The following LRP2BP variants were observed in gnomAD, a reference collection of about 807,000 sequenced individuals.
LRP2BP encodes LRP2-binding protein.
Under a neutral mutation model 45.2 loss-of-function variants are expected in LRP2BP, and 38 were observed. The observed-to-expected ratio is 0.84, with a 90% CI of 0.65 to 1.10. LRP2BP has a LOEUF of 1.10. LRP2BP is among the 50% of genes least tolerant of loss of function. LRP2BP has a pLI of 0.00. For missense variants in LRP2BP, 385 were observed against 418.9 expected, an observed-to-expected ratio of 0.92 and a Z score of 0.71; for synonymous variants, 153 against 153.9, an observed-to-expected ratio of 0.99 and a Z score of 0.04.
chr4:185,378,458 C>T (rs2095445578), intron 1 of LRP2BP: 29 of 1,238,128 alleles, frequency 2.3e-5, no homozygotes, highest in Non-Finnish European at 2.8e-5. Context: ...CCTGTTTGCA[C>T]GTCCTGTCTG....
At position 185,366,469 on chromosome 4, in the gene LRP2BP, A is replaced by AG. The variant is rs1373754939; in HGVS notation, c.*710dup. ...TTAAGATCTTTGAGGGAAGATTTGG[A>AG]GGGGCAAGATTCTAAAGCAATGTCT... On this transcript the variant is annotated 3_prime_UTR_variant, in exon 9 of 9. Transcript: ENST00000505916. 4 of 152,186 alleles carry AG rather than the reference A, an allele frequency of 2.6e-5. No homozygotes were observed. Among genetic ancestry groups the AG allele is most frequent in the Non-Finnish European group, 5.9e-5 (4 of 68,024 alleles). 9.4% of individuals were successfully genotyped at this position (152,186 alleles called of 1,614,324 possible).
At chr4:185,389,036 C>T (rs572935855) in intron 1 of LRP2BP, among the ~76,000 whole-genome samples, 9 of 151,792 alleles carry the variant, frequency 5.9e-5, no homozygotes, top group East Asian at 1.9e-4. Flanking sequence ...CCTGCCACCA[C>T]ACCCAGCTAA....
rs199651134 is a variant in LRP2BP at position 185,374,363 on chromosome 4, A to T, written c.429T>A (p.Tyr143Ter). Residue 143 changes from tyrosine (Y) to a stop codon, truncating the protein, a stop_gained, in exon 5 of 9, where the codon TAT becomes TAA. Transcript: ENST00000505916. LOFTEE classifies it high-confidence loss of function. ...ATCGTTTAACACCTTTTCCTTCATA[A>T]TAAGCTCTTCCGAGGTTGTAAGCAG... ...FAAAYNLGRA[Y>*]YEGKGVKRSN... is the part of the protein sequence containing the mutation. 82 of 1,613,982 alleles carry T rather than the reference A, an allele frequency of 5.1e-5. No homozygotes were observed. In the Middle Eastern group the frequency reaches 1.5e-3, roughly 29 times the overall value.
In LRP2BP at chr4:185,374,149, T is replaced by C. The variant is rs2095425366; in HGVS notation, c.565A>G (p.Lys189Glu). 6.2e-7 allele frequency: 1 copy of C among 1,613,932 alleles called. No homozygotes were observed. Residue 189 changes from lysine (K) to glutamate (E), a missense_variant, in exon 6 of 9, where the codon AAG becomes GAG. Lys to Glu is a moderately conservative substitution (Grantham distance 56). Transcript: ENST00000505916. ...GGGAACGTTACCTTTTCTAACTCCT[T>C]GGGCTCCTTGGTTGAGTAATACAGC... Reference protein sequence around the residue: ...LGLYYSTKEPKELEKAFYWHS... With the variant: ...LGLYYSTKEPEELEKAFYWHS...
chr4:185,389,269 C>T (rs180874338), intron 1 of LRP2BP, among the ~76,000 whole-genome samples: 67 of 151,712 alleles, frequency 4.4e-4, no homozygotes, highest in African/African-American at 1.3e-3. Flanking sequence ...AGTGCAATGG[C>T]GCAATCTTGG....
At chr4:185,384,028 C>T (rs2095463150) in intron 1 of LRP2BP, among the ~76,000 whole-genome samples, 1 of 152,170 alleles carries the variant, frequency 6.6e-6, no homozygotes, top group Non-Finnish European at 1.5e-5. Flanking sequence ...AGTCCTAGTC[C>T]TGACACAGTA....
At chr4:185,389,658 CA>C (rs1472641812) in intron 1 of LRP2BP, among the ~76,000 whole-genome samples, 1 of 152,056 alleles carries the variant, frequency 6.6e-6, no homozygotes, top group East Asian at 1.9e-4. Context: ...TTGAGTGTCT[CA>C]AATCATCCAG....
chr4:185,365,238 A>T lies in LRP2BP; in HGVS notation c.*1942T>A, dbSNP rs1446806049. On this transcript the variant is annotated 3_prime_UTR_variant, in exon 9 of 9. Coordinates refer to ENST00000505916, the MANE Select transcript of LRP2BP (RefSeq NM_001377440.1). ...TTTATAGAAGACATATAAGCATAGC[A>T]TGTTACCATGTATGGCACACGTCAA... The T allele has an allele frequency of 6.6e-6, 1 of 152,212 alleles. No individual in the cohort carries two copies. The highest frequency in any genetic ancestry group is 1.5e-5 in the Non-Finnish European group (1 of 68,038). 9.4% of individuals were successfully genotyped at this position (152,212 alleles called of 1,614,324 possible). A position where few individuals can be genotyped will look rare whatever the true frequency, so the allele number is the denominator to read the frequency against.
intron 4 of LRP2BP, 125 bp downstream of exon 4, chr4:185,375,488 A>ATATATATATATATG (rs2095431711): frequency 2.3e-4 from 2 of 8,606 alleles, no homozygotes; most frequent in Non-Finnish European, 2.2e-4. Flanking sequence ...AAAAAAAAAA[A>ATATATATATATATG]TATATATATA....
In LRP2BP at chr4:185,369,166, T is replaced by G. The variant is rs1279184861; in HGVS notation, c.978+1474A>C. Among the ~76,000 whole-genome samples the G allele has an allele frequency of 3.3e-5, 5 of 151,632 alleles. No individual in the cohort carries two copies. The South Asian group carries it at 8.3e-4, about 25-fold the overall frequency. On this transcript the variant is annotated intron_variant, in intron 8 of 8. Transcript: ENST00000505916. The stretch of plus-strand genomic sequence containing the variant: ...ATATTTGACTAGAGTTTTCTAAGGA[T>G]ATTAAGGATAGGATAGAACCTGAAA...
intron 1 of LRP2BP, among the ~76,000 whole-genome samples, chr4:185,387,043 C>T (rs1054013220): frequency 5.3e-5 from 8 of 152,052 alleles, no homozygotes; most frequent in African/African-American, 1.2e-4. Flanking sequence ...GTTAGGAGTT[C>T]GAGACCAGCC....
At position 185,385,915 on chromosome 4, in the gene LRP2BP, G is replaced by A. The variant is rs113067038; in HGVS notation, c.-21-7708C>T. Among the ~76,000 whole-genome samples, 7 of 119,730 alleles carry A rather than the reference G, an allele frequency of 5.8e-5. No homozygotes were observed. In the East Asian group the frequency reaches 8.4e-4, roughly 14 times the overall value. 78.5% of individuals were successfully genotyped at this position (119,730 alleles called of 152,430 possible). On this transcript the variant is annotated intron_variant, in intron 1 of 8. Transcript: ENST00000505916. ...GACTCTGTCTCGGGGAGGGGGGGGG[G>A]GAGATAAAGAAATAACATCATCTTA...
rs776193908 is a variant in LRP2BP at position 185,370,706 on chromosome 4, T to A, written c.912A>T (p.Ala304=). ...TGCCCAAGCCAAGCTGAAGACACCT[T>A]GCGTGGTAGAAGGATGCCATTGCCA... ...RGMAMASFYH[A]RCLQLGLGIT... Residue 304 remains alanine, a synonymous_variant, in exon 8 of 9, where the codon GCA becomes GCT. Coordinates refer to ENST00000505916, the MANE Select transcript of LRP2BP (RefSeq NM_001377440.1). 1 of 1,614,074 alleles carries A rather than the reference T, an allele frequency of 6.2e-7. No homozygotes were observed. The highest frequency in any genetic ancestry group is 1.1e-5 in the South Asian group (1 of 91,070).
At chr4:185,378,556 A>T in intron 1 of LRP2BP, 1 of 1,028,696 alleles carries the variant, frequency 9.7e-7, no homozygotes, top group Middle Eastern at 4.8e-4. Flanking sequence ...CCACAGTCAG[A>T]GCTCTTCTGC....
chr4:185,390,284 G>T (rs2095484644), intron 1 of LRP2BP, among the ~76,000 whole-genome samples: 1 of 152,178 alleles, frequency 6.6e-6, no homozygotes, highest in Admixed American at 6.5e-5. Context: ...GCCAAGGCAG[G>T]TGGATCATTT....
In LRP2BP at chr4:185,395,855, G is replaced by C; in HGVS notation, c.-1098C>G. ...GAAGGGAATCACTAAAAATGTAGGGGAAAAGAAACACTCGGCTGGAGCTTT... is the reference window on the plus strand; with the variant it reads ...GAAGGGAATCACTAAAAATGTAGGGCAAAAGAAACACTCGGCTGGAGCTTT... On this transcript the variant is annotated 5_prime_UTR_variant, in exon 1 of 9. Transcript: ENST00000505916. The C allele has an allele frequency of 1.0e-6, 1 of 985,458 alleles. No homozygotes were observed. The highest frequency in any genetic ancestry group is 1.7e-5 in the African/African-American group (1 of 57,348). The allele number at this position is 985,458 out of a possible 1,614,324, so 61.0% of individuals were successfully genotyped here. A position where few individuals can be genotyped will look rare whatever the true frequency, so the allele number is the denominator to read the frequency against.
In LRP2BP at chr4:185,374,230, T is replaced by A. The variant is rs187773900; in HGVS notation, c.484A>T (p.Ile162Phe). ...TTGGGATTTCCATTGTCTGCTGCGA[T>A]AAGCCACAGTCTACAAGAGAAAGTG... Reference protein sequence around the residue: ...SNEEAERLWLIAADNGNPKAS... With the variant: ...SNEEAERLWLFAADNGNPKAS... The change falls in exon 6 of 9, where the codon ATC (isoleucine) becomes TTC (phenylalanine). Residue 162 changes from isoleucine to phenylalanine, a missense_variant. Physicochemically the swap from Ile to Phe is conservative, Grantham distance 21. Transcript: ENST00000505916. 4 of 1,614,088 alleles carry A rather than the reference T, an allele frequency of 2.5e-6. No homozygotes were observed. In the Admixed American group the frequency reaches 6.7e-5, roughly 27 times the overall value.
intron 1 of LRP2BP, among the ~76,000 whole-genome samples, chr4:185,381,262 A>AT (rs1268545402): frequency 1.3e-5 from 2 of 151,946 alleles, no homozygotes; most frequent in East Asian, 1.9e-4. Context: ...GTTAGTTGTA[A>AT]TTTTTTTCCT....
chr4:185,379,808 G>A (rs918421326), intron 1 of LRP2BP, among the ~76,000 whole-genome samples: 9 of 136,136 alleles, frequency 6.6e-5, no homozygotes, highest in South Asian at 2.4e-4. Context: ...CAGCACCTGC[G>A]CACTTCTCTC....
Sources: allele counts gnomAD v4.1 joint callset (sites outside exome capture counted in the v4.1 genomes callset), GRCh38; gene constraint gnomAD v4.1.1; transcripts MANE v1.5; gene names NCBI Gene and HGNC (gene_info 2026-07-23, HGNC 2026-07-21).